The following PAPPA2 variants were observed in gnomAD, a reference collection of about 807,000 sequenced individuals.
The protein encoded by PAPPA2 is pappalysin-2.
A neutral mutation model predicts 176.4 loss-of-function variants in PAPPA2; 86 were observed. The observed-to-expected ratio is 0.49, with a 90% CI of 0.41 to 0.58. PAPPA2 has a LOEUF of 0.58. Among genes scored for constraint, PAPPA2 ranks in the 20% least tolerant of loss-of-function variants. The probability of loss-of-function intolerance (pLI) is 0.00; values close to 1 mark genes in which losing one functional copy is unlikely to be tolerated. For missense variants in PAPPA2, 2,073 were observed against 2,256.9 expected (o/e 0.92, Z 1.65); for synonymous variants, 809 against 852.2 (o/e 0.95, Z 0.88).
chr1:176,491,779 G>T (rs1434538454), intron 1 of PAPPA2, among the ~76,000 whole-genome samples: 1 of 152,154 alleles, frequency 6.6e-6, no homozygotes, highest in Non-Finnish European at 1.5e-5. Context: ...GGAAATGCAA[G>T]TATTTCTAAT....
chr1:176,476,873 G>A (rs1247466280), intron 1 of PAPPA2, among the ~76,000 whole-genome samples: 1 of 152,170 alleles, frequency 6.6e-6, no homozygotes, highest in Non-Finnish European at 1.5e-5. Context: ...AATAGTCTAT[G>A]TCCTTCTGTT....
At chr1:176,576,091 T>G (rs966180371) in intron 2 of PAPPA2, among the ~76,000 whole-genome samples, 2 of 152,180 alleles carry the variant, frequency 1.3e-5, no homozygotes, top group African/African-American at 4.8e-5. Context: ...TCCTTAACAA[T>G]GATTCCTAGA....
At chr1:176,523,805 T>A (rs1179047476) in intron 1 of PAPPA2, among the ~76,000 whole-genome samples, 1 of 152,210 alleles carries the variant, frequency 6.6e-6, no homozygotes, top group Non-Finnish European at 1.5e-5. Flanking sequence ...AAATGGGAGC[T>A]GTAACTGAAT....
intron 1 of PAPPA2, among the ~76,000 whole-genome samples, chr1:176,466,823 C>T (rs987173672): frequency 2.6e-5 from 4 of 152,150 alleles, no homozygotes; most frequent in South Asian, 2.1e-4. Flanking sequence ...TTCCCTGCAA[C>T]GTGGAGGGAG....
chr1:176,489,792 G>A (rs1412259721), intron 1 of PAPPA2, among the ~76,000 whole-genome samples: 2 of 152,172 alleles, frequency 1.3e-5, no homozygotes, highest in East Asian at 3.8e-4. Flanking sequence ...ATTGACCATA[G>A]CATCTATGGC....
intron 14 of PAPPA2, among the ~76,000 whole-genome samples, chr1:176,761,799 T>C (rs551301081): frequency 5.8e-4 from 89 of 152,340 alleles, no homozygotes; most frequent in African/African-American, 2.1e-3. Context: ...TTAGTTTTCT[T>C]GTATGTCAAA....
intron 1 of PAPPA2, among the ~76,000 whole-genome samples, chr1:176,539,325 A>G (rs1437627204): frequency 6.6e-6 from 1 of 152,214 alleles, no homozygotes; most frequent in East Asian, 1.9e-4. Flanking sequence ...GGTTGAAGGC[A>G]CATGAAGTGA....
rs375354550 is a variant in PAPPA2 at position 176,621,045 on chromosome 1, C to G, written c.1991+25450C>G. Among the ~76,000 whole-genome samples, 91 of 152,008 alleles carry G rather than the reference C, an allele frequency of 6.0e-4. No homozygotes were observed. The South Asian group carries it at 0.019, about 31-fold the overall frequency. On this transcript the variant is annotated intron_variant, in intron 3 of 22. Coordinates refer to ENST00000367662, the MANE Select transcript of PAPPA2 (RefSeq NM_020318.3). ...AGGTAGGTGGGCAAAAGAATGGCTC[C>G]TAAGTGAGAGAAGACAGCAGGAATA... is the stretch of plus-strand genomic sequence containing the variant.
intron 12 of PAPPA2, among the ~76,000 whole-genome samples, chr1:176,725,973 A>T (rs769227655): frequency 1.3e-5 from 2 of 151,912 alleles, no homozygotes; most frequent in South Asian, 4.2e-4. Context: ...GTAGAGACGG[A>T]GTTTCACCGT....
intron 1 of PAPPA2, among the ~76,000 whole-genome samples, chr1:176,479,793 G>C (rs1447507381): frequency 6.6e-6 from 1 of 152,176 alleles, no homozygotes; most frequent in East Asian, 1.9e-4. Flanking sequence ...CCTTCTCCAA[G>C]CACTGCAGTC....
Position 176,710,168 on chromosome 1 carries a change from C to A in PAPPA2, c.3643C>A (p.His1215Asn), listed in dbSNP as rs761435135. The A allele has an allele frequency of 5.0e-6, 8 of 1,613,054 alleles. No homozygotes were observed. The highest frequency in any genetic ancestry group is 6.8e-6 in the Non-Finnish European group (8 of 1,179,504). ...TGTTTCCTTGGTAACTGGAGAACCTCATTCCCTAGTAAGTTAAGCCAGATG... is the reference window on the plus strand; with the variant it reads ...TGTTTCCTTGGTAACTGGAGAACCTAATTCCCTAGTAAGTTAAGCCAGATG... ...CPVSLVTGEP[H>N]SLICTSYHPD... Residue 1215 changes from histidine (H) to asparagine (N), a missense_variant, in exon 11 of 23, where the codon CAT becomes AAT. Physicochemically the swap from His to Asn is moderately conservative, Grantham distance 68 (BLOSUM62 1). Around this residue, in one of 4 missense-constraint regions of PAPPA2, gnomAD observed 846 missense variants for 857.9 expected, o/e 0.99. Transcript: ENST00000367662.
intron 8 of PAPPA2, among the ~76,000 whole-genome samples, chr1:176,702,277 A>AGTTTT (rs1276673068): frequency 6.6e-6 from 1 of 152,178 alleles, no homozygotes; most frequent in Admixed American, 6.5e-5. Flanking sequence ...GCTTTTAAAT[A>AGTTTT]GTTTTGTTTT....
chr1:176,482,696 G>A (rs572496234), intron 1 of PAPPA2, among the ~76,000 whole-genome samples: 1 of 152,300 alleles, frequency 6.6e-6, no homozygotes, highest in Admixed American at 6.5e-5. Flanking sequence ...ATGACTGCTA[G>A]TATCTCTGGG....
intron 15 of PAPPA2, among the ~76,000 whole-genome samples, chr1:176,766,684 A>T (rs746932459): frequency 3.3e-5 from 5 of 152,226 alleles, no homozygotes; most frequent in Non-Finnish European, 7.3e-5. Flanking sequence ...TTCTCAACTA[A>T]GAATTCTGTT....
chr1:176,616,300 T>C, intron 3 of PAPPA2: 1 of 529,742 alleles, frequency 1.9e-6, no homozygotes, highest in Non-Finnish European at 3.7e-6. Context: ...ATATGACTAT[T>C]GGAATCTTTG....
intron 3 of PAPPA2, among the ~76,000 whole-genome samples, chr1:176,660,686 A>T (rs899996519): frequency 6.6e-6 from 1 of 152,116 alleles, no homozygotes; most frequent in Non-Finnish European, 1.5e-5. Context: ...TGAATCAAGG[A>T]CACACTCTCC....
chr1:176,753,385 A>G (rs1663269736), intron 14 of PAPPA2, among the ~76,000 whole-genome samples: 1 of 151,894 alleles, frequency 6.6e-6, no homozygotes, highest in Admixed American at 6.6e-5. Context: ...ACGGATTCCT[A>G]TTGTGCTTCA....
In PAPPA2 at chr1:176,765,686, G is replaced by C. The variant is rs1303498403; in HGVS notation, c.4172G>C (p.Gly1391Ala). The C allele has an allele frequency of 6.2e-7, 1 of 1,614,016 alleles. No homozygotes were observed. Reference protein sequence around the residue: ...QGQSCIHRPCGKQDSCPSLLL... With the variant: ...QGQSCIHRPCAKQDSCPSLLL... ...CCCAGCTGTATCCATCGGCCCTGTG[G>C]GAAGCAGGACAGCTGTCCGTCATTG... Residue 1391 changes from glycine (G) to alanine (A), a missense_variant, in exon 15 of 23, where the codon GGG (glycine) becomes GCG (alanine). Coordinates refer to ENST00000367662, the MANE Select transcript of PAPPA2 (RefSeq NM_020318.3).
At chr1:176,521,532 A>G (rs10128032) in intron 1 of PAPPA2, among the ~76,000 whole-genome samples, 151,961 of 152,336 alleles carry the variant, frequency 1, 75,793 homozygotes, top group Middle Eastern at 1. Context: ...TCAACCCAAG[A>G]ATCATGAGAA....
Sources: gnomAD v4.1 joint callset for allele counts (sites outside exome capture counted in the v4.1 genomes callset) on GRCh38, gnomAD v4.1.1 for gene constraint, gnomAD v4.1.1 regional missense constraint, MANE v1.5 for transcripts, NCBI Gene and HGNC (gene_info 2026-07-23, HGNC 2026-07-21) for gene names.